The following LRMDA variants were observed in gnomAD, a reference collection of about 807,000 sequenced individuals.
The protein encoded by LRMDA is leucine-rich melanocyte differentiation-associated protein.
A neutral mutation model predicts 29.8 loss-of-function variants in LRMDA; 18 were observed. The observed-to-expected ratio is 0.60, with a 90% confidence interval of 0.42 to 0.90. The LOEUF is 0.90. LRMDA is among the 40% of genes least tolerant of loss of function. The pLI is 0.00. For missense variants in LRMDA, 273 were observed against 273.9 expected, an observed-to-expected ratio of 1.00 and a Z score of 0.02; for synonymous variants, 125 against 109.4, an observed-to-expected ratio of 1.14 and a Z score of -0.89.
At chr10:76,208,872 C>T (rs369813921) in intron 5 of LRMDA, among the ~76,000 whole-genome samples, 29 of 152,104 alleles carry the variant, frequency 1.9e-4, no homozygotes, top group East Asian at 7.8e-4. Flanking sequence ...CTTGCCTTTC[C>T]GCTGGGTGCG....
Position 75,640,580 on chromosome 10 carries a change from T to C in LRMDA, c.131+202086T>C, listed in dbSNP as rs191689507. ...GTAATCGAATTATGCATTGTTGCCA[T>C]ACCAAAGTGATGTGCAGGGGGGAAA... is the stretch of plus-strand genomic sequence containing the variant. On this transcript the variant is annotated intron_variant, in intron 2 of 6. Coordinates refer to ENST00000611255, the MANE Select transcript of LRMDA (RefSeq NM_001305581.2). Among the ~76,000 whole-genome samples, 4 of 152,322 alleles carry C rather than the reference T, an allele frequency of 2.6e-5. No homozygotes were observed. The East Asian group carries it at 7.7e-4, about 29-fold the overall frequency.
At chr10:76,295,823 C>G (rs1445262275) in intron 5 of LRMDA, among the ~76,000 whole-genome samples, 1 of 152,100 alleles carries the variant, frequency 6.6e-6, no homozygotes, top group African/African-American at 2.4e-5. Context: ...CCATTTTTTC[C>G]AAGGCTCAGC....
intron 5 of LRMDA, among the ~76,000 whole-genome samples, chr10:76,152,648 A>G (rs1389495751): frequency 6.6e-6 from 1 of 152,266 alleles, no homozygotes; most frequent in East Asian, 1.9e-4. Context: ...TTCCACTAGC[A>G]ATACATGAGA....
chr10:76,405,724 G>T (rs901870526), intron 6 of LRMDA, among the ~76,000 whole-genome samples: 4 of 152,160 alleles, frequency 2.6e-5, no homozygotes, highest in Non-Finnish European at 4.4e-5. Context: ...CCTTTTGCTA[G>T]TTATTCATTC....
chr10:76,425,052 T>G (rs1348350228), intron 6 of LRMDA, among the ~76,000 whole-genome samples: 1 of 152,160 alleles, frequency 6.6e-6, no homozygotes, highest in Non-Finnish European at 1.5e-5. Context: ...AGTTGTTGTA[T>G]TTGAGATGCT....
chr10:75,795,598 C>G (rs905676150), intron 2 of LRMDA, among the ~76,000 whole-genome samples: 15 of 152,108 alleles, frequency 9.9e-5, no homozygotes, highest in African/African-American at 3.6e-4. Flanking sequence ...ACCTATTTTT[C>G]TACCTTTATG....
At position 76,559,559 on chromosome 10, in the gene LRMDA, G is replaced by GTT. The variant is rs1284961202; in HGVS notation, c.*2272_*2273dup. ...TGGGTTGGTTACAGTTCCACTGTGT[G>GTT]TTAACCAAAATTTGCTGTGCTAGAG... On this transcript the variant is annotated 3_prime_UTR_variant, in exon 7 of 7. Coordinates refer to ENST00000611255, the MANE Select transcript of LRMDA (RefSeq NM_001305581.2). 6.6e-6 allele frequency: 1 copy of GTT among 152,230 alleles called. No homozygotes were observed. Among genetic ancestry groups the GTT allele is most frequent in the African/African-American group, 2.4e-5 (1 of 41,456 alleles). 9.4% of individuals were successfully genotyped at this position (152,230 alleles called of 1,614,324 possible).
At chr10:76,156,920 G>C (rs1393797537) in intron 5 of LRMDA, among the ~76,000 whole-genome samples, 2 of 152,164 alleles carry the variant, frequency 1.3e-5, no homozygotes, top group African/African-American at 2.4e-5. Context: ...GTATGCCTCA[G>C]GGGCAGAGAA....
Position 76,320,062 on chromosome 10 carries a change from G to A in LRMDA, c.517-4339G>A, listed in dbSNP as rs540165956. On this transcript the variant is annotated intron_variant, in intron 5 of 6. Coordinates refer to ENST00000611255, the MANE Select transcript of LRMDA (RefSeq NM_001305581.2). ...TTTCATTGAATGCACCTATTGGAAA[G>A]GGGCTTGAATTTTATGCATTTATCA... Among the ~76,000 whole-genome samples, 5 of 152,334 alleles carry A rather than the reference G, an allele frequency of 3.3e-5. No individual in the cohort carries two copies. The South Asian group carries it at 1.0e-3, about 32-fold the overall frequency.
chr10:75,970,853 A>C (rs1309112597), intron 2 of LRMDA, among the ~76,000 whole-genome samples: 2 of 152,204 alleles, frequency 1.3e-5, no homozygotes, highest in Non-Finnish European at 2.9e-5. Context: ...ATAACATCTA[A>C]AGAAGTAGTG....
chr10:75,597,463 G>A (rs1484857888), intron 2 of LRMDA, among the ~76,000 whole-genome samples: 1 of 152,128 alleles, frequency 6.6e-6, no homozygotes, highest in Non-Finnish European at 1.5e-5. Flanking sequence ...GAGCCAGGAG[G>A]GGACTGGGAG....
chr10:76,048,774 A>G (rs944517173), intron 4 of LRMDA, among the ~76,000 whole-genome samples: 1 of 152,224 alleles, frequency 6.6e-6, no homozygotes, highest in Non-Finnish European at 1.5e-5. Flanking sequence ...ACACCATTTT[A>G]TAGATCCTAT....
chr10:76,178,545 C>T (rs1850983623), intron 5 of LRMDA, among the ~76,000 whole-genome samples: 1 of 152,230 alleles, frequency 6.6e-6, no homozygotes, highest in African/African-American at 2.4e-5. Context: ...AGAGGCATTC[C>T]AGAGGGCACT....
intron 2 of LRMDA, among the ~76,000 whole-genome samples, chr10:75,751,207 C>G (rs1187069263): frequency 2.0e-5 from 3 of 152,006 alleles, no homozygotes; most frequent in Non-Finnish European, 4.4e-5. Context: ...CCCAGGCACT[C>G]GGCAGGCTGA....
At chr10:75,982,730 A>G (rs1847194283) in intron 2 of LRMDA, among the ~76,000 whole-genome samples, 1 of 152,192 alleles carries the variant, frequency 6.6e-6, no homozygotes, top group Non-Finnish European at 1.5e-5. Flanking sequence ...ACCTGAGATT[A>G]TTATTACATG....
intron 2 of LRMDA, among the ~76,000 whole-genome samples, chr10:75,950,933 G>A (rs1316811644): frequency 6.6e-6 from 1 of 152,216 alleles, no homozygotes; most frequent in Non-Finnish European, 1.5e-5. Context: ...TCAGTGGTTA[G>A]TCCTGGAAAG....
intron 2 of LRMDA, among the ~76,000 whole-genome samples, chr10:75,665,200 G>A (rs1167697148): frequency 6.6e-6 from 1 of 152,206 alleles, no homozygotes; most frequent in Non-Finnish European, 1.5e-5. Context: ...TTAGCTTTCT[G>A]TTGTCAGCGG....
chr10:75,582,610 C>A (rs1357593356), intron 2 of LRMDA, among the ~76,000 whole-genome samples: 1 of 152,166 alleles, frequency 6.6e-6, no homozygotes, highest in Non-Finnish European at 1.5e-5. Context: ...CCACAAAGGC[C>A]TCTGAAATGC....
intron 6 of LRMDA, among the ~76,000 whole-genome samples, chr10:76,516,272 G>A (rs1486602934): frequency 1.3e-5 from 2 of 152,052 alleles, no homozygotes; most frequent in Non-Finnish European, 2.9e-5. Context: ...AGAACATAAA[G>A]CAAATTTGTA....
Sources: gnomAD v4.1 joint callset for allele counts (sites outside exome capture counted in the v4.1 genomes callset) on GRCh38, gnomAD v4.1.1 for gene constraint, MANE v1.5 for transcripts, NCBI Gene and HGNC (gene_info 2026-07-23, HGNC 2026-07-21) for gene names.